Variants in SMIM31 observed in about 807,000 individuals in gnomAD.
SMIM31 encodes small integral membrane protein 31, also known as human epithelial cell program regulator.
intron 1 of SMIM31, among the ~76,000 whole-genome samples, chr4:164,760,738 TA>T (rs60710008): frequency 0.39 from 33,564 of 86,084 alleles, 5,200 homozygotes; most frequent in East Asian, 0.56. Context: ...AGACTCCACC[TA>T]AAAAAAAAAA....
intron 2 of SMIM31, among the ~76,000 whole-genome samples, chr4:164,778,091 CAA>C (rs938879589): frequency 1.4e-4 from 22 of 152,182 alleles, no homozygotes; most frequent in Admixed American, 3.9e-4. Flanking sequence ...AAACCAGAGT[CAA>C]AGTCATAAAC....
intron 2 of SMIM31, among the ~76,000 whole-genome samples, chr4:164,775,294 C>T (rs1732864537): frequency 6.6e-6 from 1 of 152,212 alleles, no homozygotes. Flanking sequence ...CAAATACAGA[C>T]CTTTCCTCTT....
intron 1 of SMIM31, among the ~76,000 whole-genome samples, chr4:164,761,087 G>T (rs1732643383): frequency 6.6e-6 from 1 of 152,112 alleles, no homozygotes; most frequent in Non-Finnish European, 1.5e-5. Flanking sequence ...CTAAGCCAAA[G>T]AATTAAATGC....
At chr4:164,782,377 A>ATTTTTT in intron 2 of SMIM31, among the ~76,000 whole-genome samples, 1 of 98,676 alleles carries the variant, frequency 1.0e-5, no homozygotes. Flanking sequence ...TCTTTCTTTT[A>ATTTTTT]TTTTTTTTTT....
chr4:164,776,514 C>T (rs1251913112), intron 2 of SMIM31, among the ~76,000 whole-genome samples: 1 of 152,130 alleles, frequency 6.6e-6, no homozygotes, highest in Non-Finnish European at 1.5e-5. Context: ...GATGGTAATT[C>T]CTATTCACAT....
intron 2 of SMIM31, among the ~76,000 whole-genome samples, chr4:164,788,268 A>C (rs1733052353): frequency 1.3e-5 from 2 of 152,090 alleles, no homozygotes; most frequent in South Asian, 4.1e-4. Context: ...TCTTCTGATC[A>C]ATAACACTAT....
chr4:164,769,926 A>T (rs1403734973), intron 1 of SMIM31, among the ~76,000 whole-genome samples: 5 of 152,158 alleles, frequency 3.3e-5, no homozygotes, highest in African/African-American at 4.8e-5. Context: ...CAGAGTTGGC[A>T]TTTCACCTCT....
intron 2 of SMIM31, among the ~76,000 whole-genome samples, chr4:164,788,779 C>A (rs995091481): frequency 8.5e-5 from 13 of 152,148 alleles, no homozygotes; most frequent in Admixed American, 7.2e-4. Flanking sequence ...AGCCACCACG[C>A]CCGGCCCTTT....
intron 2 of SMIM31, among the ~76,000 whole-genome samples, chr4:164,774,076 G>A (rs1732849658): frequency 6.6e-6 from 1 of 150,756 alleles, no homozygotes; most frequent in South Asian, 2.1e-4. Flanking sequence ...TGAGGCAGGA[G>A]AATGGCATGA....
At chr4:164,757,806 T>C (rs1732585215) in intron 1 of SMIM31, among the ~76,000 whole-genome samples, 1 of 108,376 alleles carries the variant, frequency 9.2e-6, no homozygotes, top group Non-Finnish European at 2.1e-5. Flanking sequence ...TACTACACTC[T>C]TTTGATTACT....
intron 2 of SMIM31, among the ~76,000 whole-genome samples, chr4:164,791,761 G>A (rs1733104237): frequency 6.6e-6 from 1 of 151,964 alleles, no homozygotes; most frequent in South Asian, 2.1e-4. Context: ...ATTTATTGTG[G>A]AGTGGTGAAG....
At chr4:164,761,565 C>T (rs527319893) in intron 1 of SMIM31, among the ~76,000 whole-genome samples, 102 of 152,210 alleles carry the variant, frequency 6.7e-4, no homozygotes, top group African/African-American at 2.2e-3. Flanking sequence ...AGTGGCCCAC[C>T]ATCATAGTTA....
intron 2 of SMIM31, among the ~76,000 whole-genome samples, chr4:164,790,726 T>C (rs1276519193): frequency 6.6e-6 from 1 of 152,216 alleles, no homozygotes; most frequent in Non-Finnish European, 1.5e-5. Flanking sequence ...GTAAAAAGTA[T>C]ACTTTTTGGG....
intron 2 of SMIM31, among the ~76,000 whole-genome samples, chr4:164,794,855 A>T (rs1733168307): frequency 6.6e-6 from 1 of 151,684 alleles, no homozygotes; most frequent in African/African-American, 2.4e-5. Context: ...AAATGAATAT[A>T]TCTTATAGAG....
chr4:164,766,675 G>A (rs1048241133), intron 1 of SMIM31, among the ~76,000 whole-genome samples: 1 of 152,036 alleles, frequency 6.6e-6, no homozygotes, highest in Admixed American at 6.6e-5. Context: ...GCACACACCT[G>A]TAGTCCCAGC....
At position 164,794,810 on chromosome 4, in the gene SMIM31, T is replaced by A. The variant is rs578147163; in HGVS notation, c.113-6281T>A. Among the ~76,000 whole-genome samples, 6 of 151,182 alleles carry A rather than the reference T, an allele frequency of 4.0e-5. No individual in the cohort carries two copies. The South Asian group carries it at 1.2e-3, about 31-fold the overall frequency. On this transcript the variant is annotated intron_variant, in intron 2 of 2. Coordinates refer to ENST00000507311, the MANE Select transcript of SMIM31 (RefSeq NM_001352885.1). ...CAGAGCAAGACTCCGTCTCAAAAAATAATAATAATAATAATAATTTTAAAA... is the reference window on the plus strand; with the variant it reads ...CAGAGCAAGACTCCGTCTCAAAAAAAAATAATAATAATAATAATTTTAAAA...
chr4:164,791,925 G>A (rs927886230), intron 2 of SMIM31, among the ~76,000 whole-genome samples: 5 of 152,192 alleles, frequency 3.3e-5, no homozygotes, highest in South Asian at 2.1e-4. Flanking sequence ...AGCTCAGCTC[G>A]CACTTATAGG....
chr4:164,791,176 TC>T (rs1378411112), intron 2 of SMIM31, among the ~76,000 whole-genome samples: 1 of 152,234 alleles, frequency 6.6e-6, no homozygotes, highest in Non-Finnish European at 1.5e-5. Context: ...ACTGTTTTTT[TC>T]TTATTCTCAA....
At chr4:164,764,217 GT>G (rs1732688734) in intron 1 of SMIM31, among the ~76,000 whole-genome samples, 1 of 152,052 alleles carries the variant, frequency 6.6e-6, no homozygotes, top group Non-Finnish European at 1.5e-5. Context: ...TGCCCTATAT[GT>G]TTTTTTAAAT....
Sources: allele counts gnomAD v4.1 joint callset (sites outside exome capture counted in the v4.1 genomes callset), GRCh38; gene constraint gnomAD v4.1.1; transcripts MANE v1.5; gene names NCBI Gene and HGNC (gene_info 2026-07-23, HGNC 2026-07-21).